The following ST6GAL2 variants were observed in gnomAD, a reference collection of about 807,000 sequenced individuals.
The protein encoded by ST6GAL2 is ST6 beta-galactoside alpha-2,6-sialyltransferase 2.
In ST6GAL2, 24 loss-of-function variants were observed where a neutral mutation model predicts 37.5. That is an observed-to-expected ratio of 0.64 (90% CI 0.46 to 0.90). The LOEUF (loss-of-function observed/expected upper bound fraction) is 0.90, where lower values mean the gene tolerates loss of function less well. Among genes scored for constraint, ST6GAL2 ranks in the 40% least tolerant of loss-of-function variants. The pLI, the probability that ST6GAL2 is intolerant of heterozygous loss-of-function variation, is 0.00. For synonymous variants in ST6GAL2, 306 were observed against 295.1 expected, an observed-to-expected ratio of 1.04 and a Z score of -0.38; for missense variants, 715 against 712.7, an observed-to-expected ratio of 1.00 and a Z score of -0.04.
chr2:106,801,793 T>G lies in ST6GAL2; in HGVS notation c.*4885A>C, dbSNP rs1015055636. On this transcript the variant is annotated 3_prime_UTR_variant, in exon 6 of 6. Transcript: ENST00000409382. ...ACACATTTCATTTTAAAAATTATCATACAAAAGAATTCCCAAAGCTGTTAA... is the reference window on the plus strand; with the variant it reads ...ACACATTTCATTTTAAAAATTATCAGACAAAAGAATTCCCAAAGCTGTTAA... 1 of 152,206 alleles carries G rather than the reference T, an allele frequency of 6.6e-6. No individual in the cohort carries two copies. Among genetic ancestry groups the G allele is most frequent in the Non-Finnish European group, 1.5e-5 (1 of 68,036 alleles). 9.4% of individuals were successfully genotyped at this position (152,206 alleles called of 1,614,324 possible). A position where few individuals can be genotyped will look rare whatever the true frequency, so the allele number is the denominator to read the frequency against.
chr2:106,841,095 G>A (rs1432169657), intron 2 of ST6GAL2: 1 of 152,064 alleles, frequency 6.6e-6, no homozygotes, highest in Non-Finnish European at 1.5e-5. Flanking sequence ...GTCAGCACAG[G>A]GACACAGGTA....
chr2:106,831,865 C>A (rs912162667), intron 4 of ST6GAL2, among the ~76,000 whole-genome samples: 1 of 152,188 alleles, frequency 6.6e-6, no homozygotes, highest in Non-Finnish European at 1.5e-5. Context: ...ATTTACAGAA[C>A]TGACAGCATC....
intron 1 of ST6GAL2, among the ~76,000 whole-genome samples, chr2:106,880,739 C>G (rs1678716047): frequency 6.6e-6 from 1 of 150,994 alleles, no homozygotes; most frequent in Admixed American, 6.6e-5. Flanking sequence ...AAAGAATGTT[C>G]TTCCTTCAGT....
At position 106,807,631 on chromosome 2, in the gene ST6GAL2, CT is replaced by C. The variant is rs10665727; in HGVS notation, c.1319-683del. Reference sequence around the variant, plus strand: ...TAATCATCACTGAGTACATTTTATTCTTTTTTTTTTTTTTTGAGACGGAGTC... The same window carrying C: ...TAATCATCACTGAGTACATTTTATTCTTTTTTTTTTTTTTGAGACGGAGTC... On this transcript the variant is annotated intron_variant, in intron 5 of 5. Transcript: ENST00000409382. Among the ~76,000 whole-genome samples the C allele has an allele frequency of 1.5e-3, 207 of 138,996 alleles. 2 individuals carry two copies. Among genetic ancestry groups the C allele is most frequent in the African/African-American group, 4.7e-3 (177 of 37,650 alleles). The allele number at this position is 138,996 out of a possible 152,430, so 91.2% of individuals were successfully genotyped here.
chr2:106,863,767 C>T (rs984618619), intron 1 of ST6GAL2, among the ~76,000 whole-genome samples: 2 of 152,074 alleles, frequency 1.3e-5, no homozygotes, highest in East Asian at 1.9e-4. Flanking sequence ...TTGTGGGGAT[C>T]GATAGAGACT....
At chr2:106,857,491 C>T (rs6754312) in intron 1 of ST6GAL2, among the ~76,000 whole-genome samples, 93,147 of 151,758 alleles carry the variant, frequency 0.61, 29,915 homozygotes, top group Non-Finnish European at 0.74. Flanking sequence ...GTAATCTCAG[C>T]TACTCGGGAG....
At chr2:106,868,398 T>G (rs1477086433) in intron 1 of ST6GAL2, among the ~76,000 whole-genome samples, 2 of 152,166 alleles carry the variant, frequency 1.3e-5, no homozygotes, top group Non-Finnish European at 2.9e-5. Flanking sequence ...CTCTACAGCT[T>G]ACAAAGTGCA....
At chr2:106,885,298 A>G (rs970113936) in intron 1 of ST6GAL2, among the ~76,000 whole-genome samples, 13 of 152,062 alleles carry the variant, frequency 8.5e-5, no homozygotes, top group African/African-American at 3.1e-4. Context: ...TCGCATGTCC[A>G]ATAAAAATAA....
At position 106,843,991 on chromosome 2, in the gene ST6GAL2, G is replaced by C; in HGVS notation, c.-14C>G. 6.5e-7 allele frequency: 1 copy of C among 1,549,102 alleles called. No individual in the cohort carries two copies. Among genetic ancestry groups the C allele is most frequent in the Non-Finnish European group, 8.7e-7 (1 of 1,150,416 alleles). On this transcript the variant is annotated 5_prime_UTR_variant, in exon 2 of 6. Transcript: ENST00000409382. ...GTGTGGTTTCATGGCAGGTCTCTGC[G>C]GTCAGCACCTTGTGTCTTAATGCAG...
intron 1 of ST6GAL2, among the ~76,000 whole-genome samples, chr2:106,864,156 C>A (rs1335890899): frequency 3.3e-5 from 5 of 152,180 alleles, no homozygotes; most frequent in African/African-American, 1.2e-4. Flanking sequence ...TCCAAACTAC[C>A]CACAGATGTC....
chr2:106,842,930 C>G, intron 2 of ST6GAL2, 105 bp downstream of exon 2: 1 of 797,958 alleles, frequency 1.3e-6, no homozygotes, highest in Non-Finnish European at 1.8e-6. Flanking sequence ...GTGCGGAGAC[C>G]CCAGCTTGCC....
At chr2:106,837,929 G>T (rs902729050) in intron 2 of ST6GAL2, among the ~76,000 whole-genome samples, 3 of 152,178 alleles carry the variant, frequency 2.0e-5, no homozygotes, top group Admixed American at 6.5e-5. Flanking sequence ...TGCATGGAGA[G>T]GGCAGGGAGG....
rs558125735 is a variant in ST6GAL2 at position 106,822,919 on chromosome 2, T to C, written c.1318+7147A>G. The C allele has an allele frequency of 1.5e-4, 23 of 152,328 alleles. No homozygotes were observed. The South Asian group carries it at 4.6e-3, about 30-fold the overall frequency. The allele number at this position is 152,328 out of a possible 1,614,324, so 9.4% of individuals were successfully genotyped here. ...TTATATTATGTCAATAATGTAATTG[T>C]TCGCATGTTTTAGAATTCATTTATT... is the stretch of plus-strand genomic sequence containing the variant. On this transcript the variant is annotated intron_variant, in intron 5 of 5. Transcript: ENST00000409382.
At chr2:106,870,853 T>C (rs568858524) in intron 1 of ST6GAL2, among the ~76,000 whole-genome samples, 1 of 152,282 alleles carries the variant, frequency 6.6e-6, no homozygotes, top group African/African-American at 2.4e-5. Flanking sequence ...ATAGCACGGC[T>C]CATAAGGAAA....
intron 5 of ST6GAL2, 102 bp downstream of exon 5, chr2:106,829,964 A>G (rs1676350930): frequency 3.7e-6 from 4 of 1,078,718 alleles, no homozygotes; most frequent in East Asian, 2.5e-5. Flanking sequence ...GGCATTTCAG[A>G]TAAGGTATTT....
rs190101643 is a variant in ST6GAL2 at position 106,853,706 on chromosome 2, C to T, written c.-57-9672G>A. Among the ~76,000 whole-genome samples the T allele has an allele frequency of 5.3e-5, 8 of 152,230 alleles. No individual in the cohort carries two copies. The East Asian group carries it at 1.5e-3, about 29-fold the overall frequency. On this transcript the variant is annotated intron_variant, in intron 1 of 5. Transcript: ENST00000409382. ...TCTGGGTCAGGTCATTCCAGCAGTA[C>T]AGGGTTTTTGCTCAAGAGACAGGGC...
chr2:106,859,494 T>C (rs1417649042), intron 1 of ST6GAL2, among the ~76,000 whole-genome samples: 1 of 152,204 alleles, frequency 6.6e-6, no homozygotes, highest in East Asian at 1.9e-4. Flanking sequence ...AAATATTTGT[T>C]ATTCTTCTTT....
intron 2 of ST6GAL2, among the ~76,000 whole-genome samples, chr2:106,837,900 G>T (rs1049823236): frequency 6.6e-6 from 1 of 152,190 alleles, no homozygotes; most frequent in African/African-American, 2.4e-5. Flanking sequence ...GTATTAGTCT[G>T]CAGAGTTAAA....
chr2:106,806,792 C>T lies in ST6GAL2; in HGVS notation c.1476G>A (p.Val492=). The T allele has an allele frequency of 6.2e-7, 1 of 1,614,198 alleles. No individual in the cohort carries two copies. The highest frequency in any genetic ancestry group is 8.5e-7 in the Non-Finnish European group (1 of 1,180,032). Residue 492 remains valine (V), a synonymous_variant, in exon 6 of 6, where the codon GTG becomes GTA. Coordinates refer to ENST00000409382, the MANE Select transcript of ST6GAL2 (RefSeq NM_001142351.2). ...YHPLLYEKLL[V]QRLNMGTQGD... ...CCTGCGTGCCCATGTTCAGGCGCTG[C>T]ACCAGGAGCTTCTCATAGAGTAGTG...
Sources: allele counts gnomAD v4.1 joint callset (sites outside exome capture counted in the v4.1 genomes callset), GRCh38; gene constraint gnomAD v4.1.1; transcripts MANE v1.5; gene names NCBI Gene and HGNC (gene_info 2026-07-23, HGNC 2026-07-21).